Variants in XPR1 observed in about 807,000 individuals in gnomAD.
XPR1 encodes the protein solute carrier family 53 member 1.
Under a neutral mutation model 87.5 loss-of-function variants are expected in XPR1, and 28 were observed. The observed-to-expected ratio is 0.32, with a 90% CI of 0.24 to 0.44. The LOEUF is 0.44. Among genes scored for constraint, XPR1 ranks in the 20% least tolerant of loss-of-function variants. The pLI, the probability that XPR1 is intolerant of heterozygous loss-of-function variation, is 1.00. For missense variants in XPR1, 559 were observed against 862.3 expected, an observed-to-expected ratio of 0.65 and a Z score of 4.41; for synonymous variants, 300 against 306.1, an observed-to-expected ratio of 0.98 and a Z score of 0.21.
chr1:180,651,831 G>C (rs1429372121), intron 1 of XPR1, among the ~76,000 whole-genome samples: 1 of 152,118 alleles, frequency 6.6e-6, no homozygotes, highest in Non-Finnish European at 1.5e-5. Context: ...TTTGCATTTT[G>C]ATATTTTATG....
In XPR1 at chr1:180,886,833, A is replaced by G. The variant is rs1305714329; in HGVS notation, c.*2767A>G. 1.3e-5 allele frequency: 2 copies of G among 152,180 alleles called. No homozygotes were observed. The highest frequency in any genetic ancestry group is 2.9e-5 in the Non-Finnish European group (2 of 68,036). The allele number at this position is 152,180 out of a possible 1,614,324, so 9.4% of individuals were successfully genotyped here. On this transcript the variant is annotated 3_prime_UTR_variant, in exon 15 of 15. Coordinates refer to ENST00000367590, the MANE Select transcript of XPR1 (RefSeq NM_004736.4). ...TTGCGAATGTTGTGTCCACCTTACA[A>G]TTTGATTGGAGGCTCCCATACACTG... is the stretch of plus-strand genomic sequence containing the variant.
In XPR1 at chr1:180,863,771, C is replaced by G; in HGVS notation, c.1565C>G (p.Ser522Cys). The G allele has an allele frequency of 6.2e-7, 1 of 1,610,502 alleles. No homozygotes were observed. Among genetic ancestry groups the G allele is most frequent in the Non-Finnish European group, 8.5e-7 (1 of 1,178,444 alleles). The change falls in exon 12 of 15, where the codon TCC becomes TGC. Residue 522 changes from serine (S) to cysteine (C), a missense_variant. This residue lies in a region of XPR1 where 264 missense variants were observed against 377.2 expected (regional missense o/e 0.70). Coordinates refer to ENST00000367590, the MANE Select transcript of XPR1 (RefSeq NM_004736.4). ...TGGATTGTCTTTTATATCATCAGTT[C>G]CTGCTATACCCTCATCTGGGATCTC... ...YLWIVFYIISSCYTLIWDLKM... is the reference protein window; with the variant it reads ...YLWIVFYIISCCYTLIWDLKM...
chr1:180,856,774 C>A (rs1342890907), intron 11 of XPR1, among the ~76,000 whole-genome samples: 1 of 152,208 alleles, frequency 6.6e-6, no homozygotes, highest in Non-Finnish European at 1.5e-5. Flanking sequence ...ATACTCAATT[C>A]TAGTCCTCAT....
Position 180,803,371 on chromosome 1 carries a change from C to T in XPR1, c.224-17C>T, listed in dbSNP as rs767254096. Reference sequence around the variant, plus strand: ...TTTTATCTTACTGATTTGACAGTTCCGTTCTATTTCTTATAGAGAAGCTCG... The same window carrying T: ...TTTTATCTTACTGATTTGACAGTTCTGTTCTATTTCTTATAGAGAAGCTCG... On this transcript the variant is annotated splice_polypyrimidine_tract_variant and intron_variant, in intron 3 of 14. Transcript: ENST00000367590. 1.9e-5 allele frequency: 30 copies of T among 1,606,394 alleles called. No homozygotes were observed. Among genetic ancestry groups the T allele is most frequent in the Non-Finnish European group, 2.3e-5 (27 of 1,175,912 alleles).
chr1:180,741,663 T>C (rs1282847322), intron 2 of XPR1, among the ~76,000 whole-genome samples: 1 of 151,982 alleles, frequency 6.6e-6, no homozygotes, highest in Non-Finnish European at 1.5e-5. Flanking sequence ...ATTTTTGTAT[T>C]TTTAGTAGAG....
intron 6 of XPR1, among the ~76,000 whole-genome samples, chr1:180,808,395 A>G (rs1484347106): frequency 6.6e-6 from 1 of 152,134 alleles, no homozygotes; most frequent in African/African-American, 2.4e-5. Context: ...AAGAAAATAT[A>G]GAAGAAAGTC....
chr1:180,763,324 A>G (rs1410177018), intron 2 of XPR1, among the ~76,000 whole-genome samples: 1 of 152,188 alleles, frequency 6.6e-6, no homozygotes, highest in African/African-American at 2.4e-5. Context: ...AGTTGTGCAT[A>G]CTTGGCATAA....
Position 180,639,814 on chromosome 1 carries a change from G to A in XPR1, c.69+7544G>A, listed in dbSNP as rs531869396. Among the ~76,000 whole-genome samples, 7 of 152,238 alleles carry A rather than the reference G, an allele frequency of 4.6e-5. No individual in the cohort carries two copies. The East Asian group carries it at 1.4e-3, about 29-fold the overall frequency. On this transcript the variant is annotated intron_variant, in intron 1 of 14. Transcript: ENST00000367590. ...AAGTTTGAAGATAGCCTGAAAAAAG[G>A]TTCTCTAGTCTTATCAAACATGGAA...
chr1:180,704,827 T>TG (rs1255648308), intron 2 of XPR1, among the ~76,000 whole-genome samples: 2 of 145,290 alleles, frequency 1.4e-5, no homozygotes, highest in African/African-American at 5.0e-5. Context: ...TTTTTTTTTT[T>TG]TTTTTTTTTT....
intron 1 of XPR1, among the ~76,000 whole-genome samples, chr1:180,667,749 A>C (rs1656011970): frequency 6.6e-6 from 1 of 152,160 alleles, no homozygotes; most frequent in South Asian, 2.1e-4. Context: ...GGAATTATGG[A>C]GTCAATCTTC....
intron 1 of XPR1, among the ~76,000 whole-genome samples, chr1:180,639,220 GGAGGTTGC>G (rs1304165039): frequency 6.6e-6 from 1 of 151,938 alleles, no homozygotes; most frequent in Non-Finnish European, 1.5e-5. Context: ...CCCAGGAGGC[GGAGGTTGC>G]AGTGAGCTGA....
rs576051130 is a variant in XPR1, at chr1:180,874,093, C to T, written c.1808+151C>T. ...TCTCCTCAGCCTTAGAATTGGAAAA[C>T]CATGTTGGCCAGGCTGATCTCGAAC... On this transcript the variant is annotated intron_variant, in intron 13 of 14. Transcript: ENST00000367590. 6.1e-5 allele frequency: 59 copies of T among 960,288 alleles called. No individual in the cohort carries two copies. In the African/African-American group the frequency reaches 7.6e-4, roughly 12 times the overall value. The allele number at this position is 960,288 out of a possible 1,614,324, so 59.5% of individuals were successfully genotyped here.
intron 2 of XPR1, among the ~76,000 whole-genome samples, chr1:180,735,147 C>A (rs1387774395): frequency 2.0e-5 from 3 of 152,168 alleles, no homozygotes; most frequent in Non-Finnish European, 2.9e-5. Context: ...TATTGTCAGA[C>A]AGAATGTGTC....
intron 2 of XPR1, among the ~76,000 whole-genome samples, chr1:180,736,098 T>C (rs777817688): frequency 1.3e-5 from 2 of 152,164 alleles, no homozygotes; most frequent in East Asian, 1.9e-4. Flanking sequence ...TAGAGTGCTA[T>C]AGAAGAATAT....
intron 11 of XPR1, among the ~76,000 whole-genome samples, chr1:180,840,781 A>C (rs1453957880): frequency 6.6e-6 from 1 of 151,962 alleles, no homozygotes; most frequent in Non-Finnish European, 1.5e-5. Flanking sequence ...GAAAAAATTG[A>C]AATATATATA....
intron 2 of XPR1, among the ~76,000 whole-genome samples, chr1:180,761,693 C>G (rs1345979364): frequency 3.3e-5 from 5 of 152,114 alleles, no homozygotes; most frequent in African/African-American, 9.7e-5. Context: ...CTAGTTCAAC[C>G]CTTGTGGAAG....
In XPR1 at chr1:180,882,316, A is replaced by G. The variant is rs541182549; in HGVS notation, c.2031-1690A>G. 5.9e-5 allele frequency among the ~76,000 whole-genome samples: 9 copies of G among 152,296 alleles called. 1 individual carries two copies. In the East Asian group the frequency reaches 1.5e-3, roughly 26 times the overall value. On this transcript the variant is annotated intron_variant, in intron 14 of 14. Coordinates refer to ENST00000367590, the MANE Select transcript of XPR1 (RefSeq NM_004736.4). ...AGTTTCAGTACTGACTTTATCACTCATGCAACCTTTAGCATATCCTTAATG... is the reference window on the plus strand; with the variant it reads ...AGTTTCAGTACTGACTTTATCACTCGTGCAACCTTTAGCATATCCTTAATG...
Position 180,806,073 on chromosome 1 carries a change from T to C in XPR1, c.459T>C (p.Phe153=). Residue 153 remains phenylalanine, a synonymous_variant, in exon 5 of 15, where the codon TTT becomes TTC. Transcript: ENST00000367590. The part of the protein sequence containing the change: ...ILLQNYQNLN[F]TGFRKILKKH... ...ATTTCTTTCTGTAGAATCTGAATTT[T>C]ACAGGGTTTCGAAAAATCCTGAAAA... is the stretch of plus-strand genomic sequence containing the variant. The C allele has an allele frequency of 6.2e-7, 1 of 1,613,034 alleles. No individual in the cohort carries two copies. Among genetic ancestry groups the C allele is most frequent in the Non-Finnish European group, 8.5e-7 (1 of 1,179,502 alleles).
At chr1:180,821,870 T>C (rs1027745005) in intron 7 of XPR1, among the ~76,000 whole-genome samples, 5 of 152,224 alleles carry the variant, frequency 3.3e-5, no homozygotes, top group African/African-American at 1.2e-4. Flanking sequence ...GTGAATTTTG[T>C]GTGTTGATCT....
Sources: allele counts gnomAD v4.1 joint callset (sites outside exome capture counted in the v4.1 genomes callset), GRCh38; gene constraint gnomAD v4.1.1; regional missense constraint gnomAD v4.1.1; transcripts MANE v1.5; gene names NCBI Gene and HGNC (gene_info 2026-07-23, HGNC 2026-07-21).